The following TUT4 variants were observed in gnomAD, a reference collection of about 807,000 sequenced individuals.
The protein encoded by TUT4 is terminal uridylyl transferase 4.
A neutral mutation model predicts 192.2 loss-of-function variants in TUT4; 36 were observed. That is an observed-to-expected ratio of 0.19 (90% confidence interval 0.14 to 0.25). The LOEUF (loss-of-function observed/expected upper bound fraction) is 0.25, where lower values mean the gene tolerates loss of function less well. Among genes scored for constraint, TUT4 ranks in the 10% least tolerant of loss-of-function variants. The probability of loss-of-function intolerance (pLI) is 1.00; values close to 1 mark genes in which losing one functional copy is unlikely to be tolerated. For synonymous variants in TUT4, 618 were observed against 666.0 expected, an observed-to-expected ratio of 0.93 and a Z score of 1.11; for missense variants, 1,493 against 1,957.2, an observed-to-expected ratio of 0.76 and a Z score of 4.47.
Position 52,553,010 on chromosome 1 carries a change from C to T in TUT4, c.-173G>A, listed in dbSNP as rs538581174. ...CTGCTCTCCCTCCGCCTCCTGCTGC[C>T]GCCGCCGTCGCCGCTGCCGCCGCTG... On this transcript the variant is annotated 5_prime_UTR_variant, in exon 1 of 30. Transcript: ENST00000257177. The T allele has an allele frequency of 3.7e-3, 579 of 158,002 alleles. No homozygotes were observed. Among genetic ancestry groups the T allele is most frequent in the Middle Eastern group, 6.2e-3 (2 of 324 alleles). The allele number at this position is 158,002 out of a possible 1,614,324, so 9.8% of individuals were successfully genotyped here. A position where few individuals can be genotyped will look rare whatever the true frequency, so the allele number is the denominator to read the frequency against.
chr1:52,486,662 C>T (rs1472005602), intron 9 of TUT4, among the ~76,000 whole-genome samples: 1 of 152,086 alleles, frequency 6.6e-6, no homozygotes, highest in Non-Finnish European at 1.5e-5. Context: ...TTGCAACTAA[C>T]ACAAATGACA....
chr1:52,439,015 A>G (rs1570253960), intron 24 of TUT4, among the ~76,000 whole-genome samples: 2 of 151,624 alleles, frequency 1.3e-5, no homozygotes, highest in Non-Finnish European at 2.9e-5. Flanking sequence ...GATTGCAGTA[A>G]GCAAAGATCG....
intron 20 of TUT4, 111 bp downstream of exon 20, chr1:52,458,225 G>A: frequency 3.1e-6 from 2 of 648,128 alleles, no homozygotes; most frequent in Non-Finnish European, 5.1e-6. Flanking sequence ...GAAAACTTAG[G>A]ACAACCATGA....
chr1:52,468,250 A>C lies in TUT4; in HGVS notation c.2896T>G (p.Cys966Gly). The C allele has an allele frequency of 6.2e-7, 1 of 1,602,546 alleles. No individual in the cohort carries two copies. The highest frequency in any genetic ancestry group is 8.5e-7 in the Non-Finnish European group (1 of 1,177,426). The change falls in exon 15 of 30, where the codon TGT (cysteine) becomes GGT (glycine). Residue 966 changes from cysteine to glycine, a missense_variant. This residue lies in a region of TUT4 where 59 missense variants were observed against 114.3 expected (regional missense o/e 0.52). Transcript: ENST00000257177. ...KRCFDELSPP[C>G]SEQHNREQIL... is the part of the protein sequence containing the mutation. ...TGCTCCCTGTTGTGTTGTTCAGAAC[A>C]AGGTGGTGATAACTCATCTGGGTTT...
intron 7 of TUT4, among the ~76,000 whole-genome samples, chr1:52,491,105 G>C (rs568044932): frequency 6.6e-6 from 1 of 152,282 alleles, no homozygotes; most frequent in South Asian, 2.1e-4. Flanking sequence ...AGTCAAAGTT[G>C]TTAAACCTTC....
Position 52,428,316 on chromosome 1 carries a change from C to A in TUT4, c.4711+2697G>T, listed in dbSNP as rs551913514. On this transcript the variant is annotated intron_variant, in intron 28 of 29. Coordinates refer to ENST00000257177, the MANE Select transcript of TUT4 (RefSeq NM_001009881.3). ...TCCTGGCCAACATGGTGAATGAAAC[C>A]CCATCTCTACTAAAAATACAAAAAT... is the stretch of plus-strand genomic sequence containing the variant. 3.2e-4 allele frequency among the ~76,000 whole-genome samples: 48 copies of A among 151,972 alleles called. 1 individual carries two copies. The South Asian group carries it at 9.8e-3, about 31-fold the overall frequency.
intron 2 of TUT4, among the ~76,000 whole-genome samples, chr1:52,524,090 C>A (rs1472513809): frequency 6.6e-6 from 1 of 152,076 alleles, no homozygotes; most frequent in Non-Finnish European, 1.5e-5. Flanking sequence ...AATCAGGATC[C>A]CACAACAAAA....
chr1:52,449,873 A>G (rs1477672060), intron 20 of TUT4, among the ~76,000 whole-genome samples: 1 of 152,164 alleles, frequency 6.6e-6, no homozygotes, highest in Admixed American at 6.5e-5. Context: ...GTAGAATCAA[A>G]TAGTATTTGT....
At chr1:52,481,299 T>A (rs1668420848) in intron 11 of TUT4, 124 bp downstream of exon 11, 1 of 971,170 alleles carries the variant, frequency 1.0e-6, no homozygotes, top group East Asian at 2.4e-5. Flanking sequence ...ACTTTATAGA[T>A]GAGGAAAATG....
At chr1:52,531,419 A>C (rs1280316355) in intron 1 of TUT4, among the ~76,000 whole-genome samples, 1 of 152,070 alleles carries the variant, frequency 6.6e-6, no homozygotes, top group Non-Finnish European at 1.5e-5. Context: ...CTGAAAGCAG[A>C]AATGAAGGGA....
At position 52,506,887 on chromosome 1, in the gene TUT4, T is replaced by C. The variant is rs193095941; in HGVS notation, c.999+2709A>G. The stretch of plus-strand genomic sequence containing the variant: ...TATGTGAACTTTTTTCAGTGATGAG[T>C]ATTTTTGTATTTCTGTAATATTCCT... On this transcript the variant is annotated intron_variant, in intron 4 of 29. Transcript: ENST00000257177. Among the ~76,000 whole-genome samples the C allele has an allele frequency of 2.6e-4, 40 of 152,332 alleles. No homozygotes were observed. The East Asian group carries it at 6.9e-3, about 26-fold the overall frequency.
At position 52,490,643 on chromosome 1, in the gene TUT4, A is replaced by C. The variant is rs1670923169; in HGVS notation, c.1388+89T>G. Reference sequence around the variant, plus strand: ...ATATTCATCCAAGGAGAAATCTAAAACAAAAACTTTTTCTCTTAAAGATCA... The same window carrying C: ...ATATTCATCCAAGGAGAAATCTAAACCAAAAACTTTTTCTCTTAAAGATCA... On this transcript the variant is annotated intron_variant, in intron 8 of 29. Coordinates refer to ENST00000257177, the MANE Select transcript of TUT4 (RefSeq NM_001009881.3). The C allele has an allele frequency of 6.2e-6, 7 of 1,134,044 alleles. No homozygotes were observed. The Middle Eastern group carries it at 1.1e-3, about 178-fold the overall frequency. 70.2% of individuals were successfully genotyped at this position (1,134,044 alleles called of 1,614,324 possible). A position where few individuals can be genotyped will look rare whatever the true frequency, so the allele number is the denominator to read the frequency against.
At chr1:52,508,921 T>C (rs1009786122) in intron 4 of TUT4, among the ~76,000 whole-genome samples, 12 of 152,212 alleles carry the variant, frequency 7.9e-5, no homozygotes, top group Non-Finnish European at 1.8e-4. Flanking sequence ...AGTTTCTTAA[T>C]TGTCTGCACT....
chr1:52,537,481 G>T (rs536792352), intron 1 of TUT4, among the ~76,000 whole-genome samples: 1 of 152,126 alleles, frequency 6.6e-6, no homozygotes, highest in Admixed American at 6.5e-5. Flanking sequence ...CTAAAATACA[G>T]GAAACAAAAG....
At chr1:52,504,623 C>CT (rs942917065) in intron 4 of TUT4, among the ~76,000 whole-genome samples, 1 of 152,002 alleles carries the variant, frequency 6.6e-6, no homozygotes, top group Non-Finnish European at 1.5e-5. Context: ...GAGCAAGACT[C>CT]TATCTTGAAA....
rs138176499 is a variant in TUT4, at chr1:52,511,622, G to C, written c.883-1910C>G. Among the ~76,000 whole-genome samples, 110 of 152,200 alleles carry C rather than the reference G, an allele frequency of 7.2e-4. 3 individuals carry two copies. The East Asian group carries it at 0.018, about 25-fold the overall frequency. On this transcript the variant is annotated intron_variant, in intron 3 of 29. Transcript: ENST00000257177. The stretch of plus-strand genomic sequence containing the variant: ...GAAGGATTAAGCTGTGTGGATATCT[G>C]AAAAGACACATTTCAAGCAGAGGGA...
intron 16 of TUT4, chr1:52,463,610 C>T (rs1663232175): frequency 7.0e-6 from 9 of 1,294,778 alleles, no homozygotes; most frequent in Admixed American, 2.3e-5. Flanking sequence ...CAAACAGTCC[C>T]GCATTTTGAA....
At position 52,468,163 on chromosome 1, in the gene TUT4, T is replaced by A; in HGVS notation, c.2965+18A>T. On this transcript the variant is annotated intron_variant, in intron 15 of 29. Transcript: ENST00000257177. ...GACTACAGCAAAAACGCAATAAATTTTTTAACCTATGACATACCATCATAT... is the reference window on the plus strand; with the variant it reads ...GACTACAGCAAAAACGCAATAAATTATTTAACCTATGACATACCATCATAT... The A allele has an allele frequency of 1.9e-6, 3 of 1,572,042 alleles. No individual in the cohort carries two copies. Among genetic ancestry groups the A allele is most frequent in the East Asian group, 4.5e-5 (2 of 44,372 alleles).
At position 52,456,247 on chromosome 1, in the gene TUT4, A is replaced by G. The variant is rs1342355905; in HGVS notation, c.3435+2089T>C. Among the ~76,000 whole-genome samples the G allele has an allele frequency of 2.6e-5, 4 of 151,844 alleles. No individual in the cohort carries two copies. In the East Asian group the frequency reaches 7.8e-4, roughly 29 times the overall value. ...GGTAAAACCCCACTCTACTAAAAAT[A>G]CAAAAACCAGCAGGGCGTGGTGGTG... On this transcript the variant is annotated intron_variant, in intron 20 of 29. Transcript: ENST00000257177.
Sources: gnomAD v4.1 joint callset for allele counts (sites outside exome capture counted in the v4.1 genomes callset) on GRCh38, gnomAD v4.1.1 for gene constraint, gnomAD v4.1.1 regional missense constraint, MANE v1.5 for transcripts, NCBI Gene and HGNC (gene_info 2026-07-23, HGNC 2026-07-21) for gene names.